Variants in SPTAN1 observed in about 807,000 individuals in gnomAD.
SPTAN1 encodes the protein spectrin alpha chain, non-erythrocytic 1.
Under a neutral mutation model 331.3 loss-of-function variants are expected in SPTAN1, and 61 were observed. The observed-to-expected ratio is 0.18, with a 90% CI of 0.15 to 0.23. The LOEUF (loss-of-function observed/expected upper bound fraction) is 0.23, where lower values mean the gene tolerates loss of function less well. Among genes scored for constraint, SPTAN1 ranks in the 10% least tolerant of loss-of-function variants. The pLI, the probability that SPTAN1 is intolerant of heterozygous loss-of-function variation, is 1.00. For missense variants in SPTAN1, 2,043 were observed against 3,147.9 expected (o/e 0.65, Z 8.40); for synonymous variants, 1,153 against 1,173.9 (o/e 0.98, Z 0.36).
At chr9:128,559,696 C>T (rs1317885103) in intron 1 of SPTAN1, among the ~76,000 whole-genome samples, 2 of 152,008 alleles carry the variant, frequency 1.3e-5, no homozygotes, top group African/African-American at 4.8e-5. Context: ...ATAAGTCTAA[C>T]CCTAATTGTT....
intron 26 of SPTAN1, chr9:128,599,591 C>G (rs1854788651): frequency 2.2e-5 from 4 of 181,230 alleles, no homozygotes; most frequent in Admixed American, 1.1e-4. Context: ...CAGTTATAGC[C>G]TACTGCAGCC....
At chr9:128,600,741 C>T (rs1233302092) in intron 27 of SPTAN1, among the ~76,000 whole-genome samples, 1 of 152,108 alleles carries the variant, frequency 6.6e-6, no homozygotes, top group African/African-American at 2.4e-5. Context: ...CGGCTCACTG[C>T]AACCTCCGCC....
chr9:128,574,627 C>A, intron 3 of SPTAN1, 48 bp from the exon 4 acceptor site: 1 of 1,612,964 alleles, frequency 6.2e-7, no homozygotes, highest in South Asian at 1.1e-5. Flanking sequence ...AGCCAGATCC[C>A]ACAGAGCCAG....
intron 20 of SPTAN1, 114 bp from the exon 21 acceptor site, chr9:128,588,695 T>A (rs1480961164): frequency 1.4e-6 from 2 of 1,421,088 alleles, no homozygotes; most frequent in African/African-American, 1.4e-5. Flanking sequence ...AGAATTCTCA[T>A]GAGTGTATAT....
chr9:128,562,166 G>A (rs545819659), intron 1 of SPTAN1, among the ~76,000 whole-genome samples: 3 of 152,222 alleles, frequency 2.0e-5, no homozygotes, highest in Non-Finnish European at 2.9e-5. Flanking sequence ...GCAGTGACGC[G>A]ATCTGGGCTC....
intron 1 of SPTAN1, among the ~76,000 whole-genome samples, chr9:128,558,806 A>G (rs1438862086): frequency 6.6e-6 from 1 of 152,174 alleles, no homozygotes; most frequent in Non-Finnish European, 1.5e-5. Flanking sequence ...CTGAGCTGAC[A>G]TTTCAGTAAC....
chr9:128,629,721 AGAG>A lies in SPTAN1; in HGVS notation c.6708-597_6708-595del. 1 of 196,064 alleles carries A rather than the reference AGAG, an allele frequency of 5.1e-6. No homozygotes were observed. 12.1% of individuals were successfully genotyped at this position (196,064 alleles called of 1,614,324 possible). A position where few individuals can be genotyped will look rare whatever the true frequency, so the allele number is the denominator to read the frequency against. On this transcript the variant is annotated intron_variant, in intron 51 of 56. Transcript: ENST00000372739. This position sits in a 1 kb window ranked among gnomAD's most constrained non-coding sequence, Gnocchi z 4.9. ...GGAGGCTCCCTCCCTGGCTGTGTCT[AGAG>A]GATGGAACCGGGATCTGGGGTTTAG...
At chr9:128,619,035 T>G (rs1275356775) in intron 44 of SPTAN1, 32 bp downstream of exon 44, 1 of 1,612,542 alleles carries the variant, frequency 6.2e-7, no homozygotes, top group Non-Finnish European at 8.5e-7. Flanking sequence ...TCACCTGCTT[T>G]CTCTCTTGGC....
At position 128,633,564 on chromosome 9, in the gene SPTAN1, A is replaced by T; in HGVS notation, c.*230A>T. On this transcript the variant is annotated 3_prime_UTR_variant, in exon 57 of 57. Coordinates refer to ENST00000372739, the MANE Select transcript of SPTAN1 (RefSeq NM_001130438.3). ...AAGCAGCTGCCCTCATTCCGACTTCAGAAAATCGAAGCAGCTGGCTCCTCC... is the reference window on the plus strand; with the variant it reads ...AAGCAGCTGCCCTCATTCCGACTTCTGAAAATCGAAGCAGCTGGCTCCTCC... 1.9e-6 allele frequency: 2 copies of T among 1,061,324 alleles called. No individual in the cohort carries two copies. The allele number at this position is 1,061,324 out of a possible 1,614,324, so 65.7% of individuals were successfully genotyped here.
intron 41 of SPTAN1, among the ~76,000 whole-genome samples, chr9:128,616,504 C>T (rs1485413755): frequency 2.6e-5 from 4 of 151,474 alleles, no homozygotes; most frequent in East Asian, 4.0e-4. Flanking sequence ...CAGTGGCTCA[C>T]GCCTGTGATC....
At chr9:128,576,391 G>A (rs749280114) in intron 5 of SPTAN1, among the ~76,000 whole-genome samples, 10 of 152,000 alleles carry the variant, frequency 6.6e-5, no homozygotes, top group African/African-American at 7.2e-5. Context: ...AAGAAATGTC[G>A]TCAGTCTAAA....
At chr9:128,558,442 C>G (rs1381191562) in intron 1 of SPTAN1, among the ~76,000 whole-genome samples, 1 of 152,212 alleles carries the variant, frequency 6.6e-6, no homozygotes, top group Non-Finnish European at 1.5e-5. Context: ...CATTTCCCCT[C>G]CTTCAGTCTC....
At position 128,609,303 on chromosome 9, in the gene SPTAN1, G is replaced by A. The variant is rs1057088288; in HGVS notation, c.4758+19G>A. On this transcript the variant is annotated intron_variant, in intron 36 of 56. Transcript: ENST00000372739. The stretch of plus-strand genomic sequence containing the variant: ...CATCCAGGTAAGCTGAAGTGACTGG[G>A]TGTTGGTCTTGATGTAGCCTTATGT... The A allele has an allele frequency of 3.1e-6, 5 of 1,614,076 alleles. No homozygotes were observed. Among genetic ancestry groups the A allele is most frequent in the African/African-American group, 1.3e-5 (1 of 74,936 alleles).
intron 1 of SPTAN1, among the ~76,000 whole-genome samples, chr9:128,553,545 G>T (rs1848353798): frequency 6.6e-6 from 1 of 152,196 alleles, no homozygotes; most frequent in South Asian, 2.1e-4. Flanking sequence ...CTGAGAATTT[G>T]ATTAGACGCT....
In SPTAN1 at chr9:128,566,841, C is replaced by T; in HGVS notation, c.101C>T (p.Thr34Ile). ...TACCACCGCTTCAAGGAACTCTCAA[C>T]CCTTAGGCGTCAGAAGCTGGAAGAT... ...DRYHRFKELSTLRRQKLEDSY... is the reference protein window; with the variant it reads ...DRYHRFKELSILRRQKLEDSY... Residue 34 changes from threonine (T) to isoleucine (I), a missense_variant, in exon 2 of 57, where the codon ACC becomes ATC. Thr to Ile is a moderately conservative substitution (Grantham distance 89, BLOSUM62 -1). Coordinates refer to ENST00000372739, the MANE Select transcript of SPTAN1 (RefSeq NM_001130438.3). 6.2e-7 allele frequency: 1 copy of T among 1,614,220 alleles called. No homozygotes were observed. Among genetic ancestry groups the T allele is most frequent in the Non-Finnish European group, 8.5e-7 (1 of 1,180,038 alleles).
Position 128,594,387 on chromosome 9 carries a change from TCA to T in SPTAN1, c.3414+15_3414+16del. On this transcript the variant is annotated intron_variant, in intron 24 of 56. Coordinates refer to ENST00000372739, the MANE Select transcript of SPTAN1 (RefSeq NM_001130438.3). ...GACTTCCAGAAGGTATGGGCAGTCT[TCA>T]GGCTCAGCTGAAAATTTGTTTAAAG... The T allele has an allele frequency of 6.2e-7, 1 of 1,607,590 alleles. No homozygotes were observed. Among genetic ancestry groups the T allele is most frequent in the Non-Finnish European group, 8.5e-7 (1 of 1,175,510 alleles).
rs1890104 is a variant in SPTAN1, at chr9:128,578,531, T to A, written c.1221+286T>A. The stretch of plus-strand genomic sequence containing the variant: ...TACTTGGCACATTGATCCTTTGTGA[T>A]GTAAAAAGTATTTGTTGGGCCAGGC... On this transcript the variant is annotated intron_variant, in intron 9 of 56. Coordinates refer to ENST00000372739, the MANE Select transcript of SPTAN1 (RefSeq NM_001130438.3). Among the ~76,000 whole-genome samples, 118,987 of 152,074 alleles carry A rather than the reference T, an allele frequency of 0.78. 48,164 individuals carry two copies. Among genetic ancestry groups the A allele is most frequent in the Non-Finnish European group, 0.9 (61,303 of 68,010 alleles).
In SPTAN1 at chr9:128,577,147, C is replaced by T; in HGVS notation, c.804C>T (p.Ile268=). ...TCTGTAGGGATGTGGATGAGACTATCAGTTGGATTAAGGAAAAGGAGCAGT... is the reference window on the plus strand; with the variant it reads ...TCTGTAGGGATGTGGATGAGACTATTAGTTGGATTAAGGAAAAGGAGCAGT... ...QRFNRDVDET[I]SWIKEKEQLM... is the part of the protein sequence containing the mutation. The change falls in exon 7 of 57, where the codon ATC becomes ATT. Residue 268 remains isoleucine, a synonymous_variant. Coordinates refer to ENST00000372739, the MANE Select transcript of SPTAN1 (RefSeq NM_001130438.3). This position sits in a 1 kb window ranked among gnomAD's most constrained non-coding sequence, Gnocchi z 4.2. 1.2e-6 allele frequency: 2 copies of T among 1,614,104 alleles called. No individual in the cohort carries two copies. Among genetic ancestry groups the T allele is most frequent in the South Asian group, 1.1e-5 (1 of 91,088 alleles).
chr9:128,607,979 A>C lies in SPTAN1; in HGVS notation c.4274A>C (p.Gln1425Pro). 1 of 1,614,160 alleles carries C rather than the reference A, an allele frequency of 6.2e-7. No individual in the cohort carries two copies. Among genetic ancestry groups the C allele is most frequent in the South Asian group, 1.1e-5 (1 of 91,084 alleles). ...EIKQKLDILD[Q>P]ERADLEKAWV... ...AAGCAGAAACTTGATATTCTTGACCAGGAGCGTGCAGACCTGGAGAAGGCC... is the reference window on the plus strand; with the variant it reads ...AAGCAGAAACTTGATATTCTTGACCCGGAGCGTGCAGACCTGGAGAAGGCC... The change falls in exon 33 of 57, where the codon CAG becomes CCG. Residue 1425 changes from glutamine to proline, a missense_variant. Physicochemically the swap from Gln to Pro is moderately conservative, Grantham distance 76 (BLOSUM62 -1). Around this residue, in one of 12 missense-constraint regions of SPTAN1, gnomAD observed 179 missense variants for 215.7 expected, o/e 0.83. Transcript: ENST00000372739.
Sources: allele counts gnomAD v4.1 joint callset (sites outside exome capture counted in the v4.1 genomes callset), GRCh38; gene constraint gnomAD v4.1.1; regional missense constraint gnomAD v4.1.1; non-coding constraint Gnocchi (gnomAD v3.1); transcripts MANE v1.5; gene names NCBI Gene and HGNC (gene_info 2026-07-23, HGNC 2026-07-21).